ARHGAP22: variants seen among roughly 807,000 people sequenced by gnomAD.
ARHGAP22 encodes the protein rho GTPase-activating protein 22.
Under a neutral mutation model 59.1 loss-of-function variants are expected in ARHGAP22, and 48 were observed. The observed-to-expected ratio is 0.81, with a 90% CI of 0.64 to 1.03. ARHGAP22 has a LOEUF of 1.03. Ranked by LOEUF, ARHGAP22 falls within the 50% of genes least tolerant of loss-of-function variation. The pLI is 0.00. For synonymous variants in ARHGAP22, 445 were observed against 416.4 expected, an observed-to-expected ratio of 1.07 and a Z score of -0.84; for missense variants, 1,015 against 958.7, an observed-to-expected ratio of 1.06 and a Z score of -0.78.
At chr10:48,563,218 T>TTG (rs1564889168) in intron 2 of ARHGAP22, among the ~76,000 whole-genome samples, 1 of 138,722 alleles carries the variant, frequency 7.2e-6, no homozygotes, top group Non-Finnish European at 1.5e-5. Context: ...TTTTGAGACG[T>TTG]ATTCTTGCTC....
At chr10:48,491,179 C>T (rs572389648) in intron 3 of ARHGAP22, among the ~76,000 whole-genome samples, 6 of 152,192 alleles carry the variant, frequency 3.9e-5, no homozygotes, top group Non-Finnish European at 7.3e-5. Flanking sequence ...TCGCAGTGAG[C>T]CTGAAGGCCC....
At chr10:48,544,634 G>T (rs1193520467) in intron 3 of ARHGAP22, among the ~76,000 whole-genome samples, 2 of 152,178 alleles carry the variant, frequency 1.3e-5, no homozygotes, top group East Asian at 3.8e-4. Context: ...AAGTATGTTT[G>T]GAATAACTTG....
At chr10:48,540,554 G>A (rs1336335507) in intron 3 of ARHGAP22, among the ~76,000 whole-genome samples, 1 of 152,136 alleles carries the variant, frequency 6.6e-6, no homozygotes, top group Non-Finnish European at 1.5e-5. Context: ...TCTTTATATG[G>A]AGGAAGCAGG....
chr10:48,583,067 C>T lies in ARHGAP22; in HGVS notation c.120G>A (p.Lys40=), dbSNP rs1282835528. 1 of 1,614,290 alleles carries T rather than the reference C, an allele frequency of 6.2e-7. No individual in the cohort carries two copies. The highest frequency in any genetic ancestry group is 8.5e-7 in the Non-Finnish European group (1 of 1,180,054). Residue 40 remains lysine, a synonymous_variant, in exon 2 of 10, where the codon AAG becomes AAA. Coordinates refer to ENST00000249601, the MANE Select transcript of ARHGAP22 (RefSeq NM_021226.4). ...PCPHRLGPVL[K]AGWLKKQRSI... is the part of the protein sequence containing the mutation. ...TCCTCTGCTTCTTCAGCCAGCCCGC[C>T]TTCAGCACGGGGCCCAGCCTGTGAG... is the stretch of plus-strand genomic sequence containing the variant.
intron 9 of ARHGAP22, among the ~76,000 whole-genome samples, chr10:48,448,089 C>T (rs1364192702): frequency 6.6e-6 from 1 of 152,236 alleles, no homozygotes; most frequent in African/African-American, 2.4e-5. Context: ...TGTGCCAAGA[C>T]CCTCCAGCGG....
At chr10:48,456,994 A>G (rs1296559390) in intron 5 of ARHGAP22, among the ~76,000 whole-genome samples, 1 of 151,898 alleles carries the variant, frequency 6.6e-6, no homozygotes, top group African/African-American at 2.4e-5. Flanking sequence ...GCCTCCCAGC[A>G]TGCGGCGACA....
chr10:48,560,776 C>T (rs74130520), intron 2 of ARHGAP22, among the ~76,000 whole-genome samples: 3,674 of 152,186 alleles, frequency 0.024, 134 homozygotes, highest in African/African-American at 0.084. Context: ...TCTCTTTCTT[C>T]ATTTATTAAT....
intron 1 of ARHGAP22, among the ~76,000 whole-genome samples, chr10:48,611,825 TCC>T (rs1564997817): frequency 1.0e-4 from 2 of 19,396 alleles, no homozygotes; most frequent in Non-Finnish European, 2.2e-4. Flanking sequence ...TCCCTTCCCT[TCC>T]CTTCCCTTCC....
At chr10:48,566,692 C>T (rs1218001893) in intron 2 of ARHGAP22, among the ~76,000 whole-genome samples, 1 of 152,218 alleles carries the variant, frequency 6.6e-6, no homozygotes, top group Admixed American at 6.5e-5. Flanking sequence ...TGCTTCTTCA[C>T]TGTGTCATGA....
intron 1 of ARHGAP22, among the ~76,000 whole-genome samples, chr10:48,636,403 A>G (rs1202782769): frequency 6.6e-6 from 1 of 152,066 alleles, no homozygotes; most frequent in African/African-American, 2.4e-5. Flanking sequence ...AGCTTGTGGT[A>G]TGGCCCTGGT....
At chr10:48,548,962 C>T (rs765043607) in intron 3 of ARHGAP22, among the ~76,000 whole-genome samples, 42 of 152,192 alleles carry the variant, frequency 2.8e-4, no homozygotes, top group Non-Finnish European at 4.0e-4. Context: ...CACCGGCCCT[C>T]GGATCCCAGC....
chr10:48,546,172 C>T (rs1053473409), intron 3 of ARHGAP22, among the ~76,000 whole-genome samples: 5 of 152,178 alleles, frequency 3.3e-5, no homozygotes, highest in East Asian at 1.9e-4. Context: ...CTGCCTCCCA[C>T]AGGGGTCCCC....
At chr10:48,559,830 G>C (rs889239677) in intron 2 of ARHGAP22, among the ~76,000 whole-genome samples, 1 of 152,054 alleles carries the variant, frequency 6.6e-6, no homozygotes, top group Non-Finnish European at 1.5e-5. Flanking sequence ...AAAATTATTA[G>C]TGAAATAGTT....
At chr10:48,534,776 G>A (rs1210026430) in intron 3 of ARHGAP22, among the ~76,000 whole-genome samples, 1 of 152,222 alleles carries the variant, frequency 6.6e-6, no homozygotes. Flanking sequence ...TTAGAACTGA[G>A]GTGTCTGCCT....
chr10:48,446,828 G>A (rs566842315), intron 9 of ARHGAP22, among the ~76,000 whole-genome samples: 16 of 152,316 alleles, frequency 1.1e-4, no homozygotes, highest in African/African-American at 2.6e-4. Flanking sequence ...TAGCTCCTCT[G>A]GGCCTGTGAT....
chr10:48,589,215 G>A (rs182086645), intron 1 of ARHGAP22, among the ~76,000 whole-genome samples: 30 of 152,190 alleles, frequency 2.0e-4, no homozygotes, highest in African/African-American at 7.2e-4. Context: ...CTCATCCTCC[G>A]ATGCCCTGTG....
chr10:48,552,850 C>T (rs2057007838), intron 3 of ARHGAP22, among the ~76,000 whole-genome samples: 1 of 152,230 alleles, frequency 6.6e-6, no homozygotes, highest in Non-Finnish European at 1.5e-5. Context: ...TGGCCTATAG[C>T]TGAAGCCTCA....
intron 3 of ARHGAP22, among the ~76,000 whole-genome samples, chr10:48,518,744 G>A (rs1328356624): frequency 6.6e-6 from 1 of 152,232 alleles, no homozygotes; most frequent in African/African-American, 2.4e-5. Flanking sequence ...TACTGGAGAA[G>A]GGACTGGAGT....
At chr10:48,521,367 G>A (rs2134731564) in intron 3 of ARHGAP22, among the ~76,000 whole-genome samples, 1 of 152,332 alleles carries the variant, frequency 6.6e-6, no homozygotes, top group South Asian at 2.1e-4. Flanking sequence ...TTAAAGGCGT[G>A]ATGATGACAC....
Sources: gnomAD v4.1 joint callset for allele counts (sites outside exome capture counted in the v4.1 genomes callset) on GRCh38, gnomAD v4.1.1 for gene constraint, MANE v1.5 for transcripts, NCBI Gene and HGNC (gene_info 2026-07-23, HGNC 2026-07-21) for gene names.